The following APC2 variants were observed in gnomAD, a reference collection of about 807,000 sequenced individuals.
The protein encoded by APC2 is APC regulator of Wnt signaling pathway 2, also known as adenomatous polyposis coli protein 2.
Under a neutral mutation model 72.5 loss-of-function variants are expected in APC2, and 41 were observed. That is an observed-to-expected ratio of 0.57 (90% CI 0.44 to 0.73). The LOEUF (loss-of-function observed/expected upper bound fraction) is 0.73. Among genes scored for constraint, APC2 ranks in the 30% least tolerant of loss-of-function variants. APC2 has a pLI of 0.00. For missense variants in APC2, 3,729 were observed against 3,403.4 expected, an observed-to-expected ratio of 1.10 and a Z score of -2.38; for synonymous variants, 1,898 against 1,612.0, an observed-to-expected ratio of 1.18 and a Z score of -4.25.
Position 1,457,075 on chromosome 19 carries a change from G to T in APC2, c.1039G>T (p.Ala347Ser), listed in dbSNP as rs1333662725. ...GGGCGCCAAGGACGCACGCATGCGC[G>T]CCAACGCGGCGCTGCACAACATCGT... ...APGAKDARMR[A>S]NAALHNIVFS... The change falls in exon 9 of 15, where the codon GCC becomes TCC. Residue 347 changes from alanine to serine, a missense_variant. Coordinates refer to ENST00000590469, the MANE Select transcript of APC2 (RefSeq NM_005883.3). 6.4e-7 allele frequency: 1 copy of T among 1,554,752 alleles called. No homozygotes were observed. The highest frequency in any genetic ancestry group is 1.2e-5 in the South Asian group (1 of 84,472).
chr19:1,465,907 A>G lies in APC2; in HGVS notation c.2606A>G (p.Asp869Gly). The G allele has an allele frequency of 6.3e-7, 1 of 1,583,234 alleles. No homozygotes were observed. The highest frequency in any genetic ancestry group is 1.7e-4 in the Middle Eastern group (1 of 5,956). The change falls in exon 15 of 15, where the codon GAC becomes GGC. Residue 869 changes from aspartate to glycine, a missense_variant. Coordinates refer to ENST00000590469, the MANE Select transcript of APC2 (RefSeq NM_005883.3). ...EDISALHTSSDDSFSLSSGDP... is the reference protein window; with the variant it reads ...EDISALHTSSGDSFSLSSGDP... ...ATCTCCGCCCTGCACACCTCGTCCG[A>G]CGATAGCTTCAGCCTCAGCTCTGGA...
Position 1,466,200 on chromosome 19 carries a change from C to T in APC2, c.2899C>T (p.Leu967Phe), listed in dbSNP as rs1025348919. The T allele has an allele frequency of 1.9e-6, 3 of 1,554,016 alleles. No homozygotes were observed. Among genetic ancestry groups the T allele is most frequent in the South Asian group, 1.2e-5 (1 of 85,422 alleles). Reference sequence around the variant, plus strand: ...GTGTGGGCAGCCTCGGCCCAGCCGGCTTGACCTTGACCTGCCCGGCTGCCA... The same window carrying T: ...GTGTGGGCAGCCTCGGCCCAGCCGGTTTGACCTTGACCTGCCCGGCTGCCA... ...PRCGQPRPSR[L>F]DLDLPGCQAE... Residue 967 changes from leucine to phenylalanine, a missense_variant, in exon 15 of 15, where the codon CTT becomes TTT. By Grantham distance (22) the Leu-to-Phe change is conservative. Transcript: ENST00000590469.
intron 4 of APC2, among the ~76,000 whole-genome samples, chr19:1,454,382 T>C (rs2083785760): frequency 6.6e-6 from 1 of 150,686 alleles, no homozygotes; most frequent in Admixed American, 6.6e-5. Context: ...TTTTTTTGTT[T>C]AGTACATATA....
At position 1,468,233 on chromosome 19, in the gene APC2, G is replaced by A; in HGVS notation, c.4932G>A (p.Val1644=). The part of the protein sequence containing the change: ...SSALPRRRPP[V]SGLRRRKPRA... ...CCCTGCCCAGGCGCCGGCCCCCCGTGTCTGGCCTGCGGCGCCGCAAGCCCC... is the reference window on the plus strand; with the variant it reads ...CCCTGCCCAGGCGCCGGCCCCCCGTATCTGGCCTGCGGCGCCGCAAGCCCC... Residue 1644 remains valine (V), a synonymous_variant, in exon 15 of 15, where the codon GTG becomes GTA. Coordinates refer to ENST00000590469, the MANE Select transcript of APC2 (RefSeq NM_005883.3). 2 of 1,495,792 alleles carry A rather than the reference G, an allele frequency of 1.3e-6. No individual in the cohort carries two copies. Among genetic ancestry groups the A allele is most frequent in the Non-Finnish European group, 1.8e-6 (2 of 1,128,622 alleles). 92.7% of individuals were successfully genotyped at this position (1,495,792 alleles called of 1,614,324 possible). A position where few individuals can be genotyped will look rare whatever the true frequency, so the allele number is the denominator to read the frequency against.
rs751276022 is a variant in APC2 at position 1,467,791 on chromosome 19, G to C, written c.4490G>C (p.Cys1497Ser). The change falls in exon 15 of 15, where the codon TGC becomes TCC. Residue 1497 changes from cysteine to serine, a missense_variant. Coordinates refer to ENST00000590469, the MANE Select transcript of APC2 (RefSeq NM_005883.3). Reference sequence around the variant, plus strand: ...GGGGACGGGGCGCTCCAGTCGCTGTGCCTCACGACGCCCACTGAGGAGGCC... The same window carrying C: ...GGGGACGGGGCGCTCCAGTCGCTGTCCCTCACGACGCCCACTGAGGAGGCC... The part of the protein sequence containing the change: ...TRGDGALQSL[C>S]LTTPTEEAVY... 5 of 1,447,440 alleles carry C rather than the reference G, an allele frequency of 3.5e-6. No individual in the cohort carries two copies. The African/African-American group carries it at 4.4e-5, about 13-fold the overall frequency. 89.7% of individuals were successfully genotyped at this position (1,447,440 alleles called of 1,614,324 possible).
chr19:1,465,061 C>T (rs1044050097), intron 14 of APC2, 94 bp from the exon 15 acceptor site: 6 of 1,382,614 alleles, frequency 4.3e-6, no homozygotes, highest in Admixed American at 2.3e-5. Context: ...TAACCAGATG[C>T]GTTTACTTTT....
In APC2 at chr19:1,466,690, G is replaced by C. The variant is rs1200559685; in HGVS notation, c.3389G>C (p.Arg1130Pro). ...TSLPVAIPAP[R>P]RNRGRGLGVE... ...CTGCCCGTAGCCATTCCGGCTCCCC[G>C]GCGTAACCGAGGCCGGGGCCTGGGG... Residue 1130 changes from arginine (R) to proline (P), a missense_variant, in exon 15 of 15, where the codon CGG (arginine) becomes CCG (proline). Coordinates refer to ENST00000590469, the MANE Select transcript of APC2 (RefSeq NM_005883.3). 6.6e-7 allele frequency: 1 copy of C among 1,515,668 alleles called. No homozygotes were observed. The highest frequency in any genetic ancestry group is 8.8e-7 in the Non-Finnish European group (1 of 1,130,822). The allele number at this position is 1,515,668 out of a possible 1,614,324, so 93.9% of individuals were successfully genotyped here.
chr19:1,456,911 C>G lies in APC2; in HGVS notation c.875C>G (p.Ala292Gly). Reference sequence around the variant, plus strand: ...GCGACGCGCGACCAGGAGGATACAGCGCGCACGCTGCTGGCCATGTCCAGC... The same window carrying G: ...GCGACGCGCGACCAGGAGGATACAGGGCGCACGCTGCTGGCCATGTCCAGC... ...MLATRDQEDT[A>G]RTLLAMSSSP... The change falls in exon 9 of 15, where the codon GCG becomes GGG. Residue 292 changes from alanine (A) to glycine (G), a missense_variant. Physicochemically the swap from Ala to Gly is moderately conservative, Grantham distance 60. Coordinates refer to ENST00000590469, the MANE Select transcript of APC2 (RefSeq NM_005883.3). 1 of 1,580,224 alleles carries G rather than the reference C, an allele frequency of 6.3e-7. No individual in the cohort carries two copies. The highest frequency in any genetic ancestry group is 1.1e-5 in the South Asian group (1 of 88,002).
At chr19:1,456,548 T>TTCTG in intron 8 of APC2, 144 bp downstream of exon 8, 1 of 928,962 alleles carries the variant, frequency 1.1e-6, no homozygotes, top group Non-Finnish European at 1.6e-6. Context: ...GGCGTGCAGC[T>TTCTG]CATGCAGAAG....
At position 1,469,170 on chromosome 19, in the gene APC2, GC is replaced by G; in HGVS notation, c.5870del (p.Ala1957GlyfsTer39). ...CCCGGAGCCGGGCCCCAGGGGCCGG[GC>G]GGGGACCGAGGCGGGCCCGGGGGCG... ...AVPEPGPRGR[A>X]GTEAGPGARG... On this transcript the variant is annotated frameshift_variant, in exon 15 of 15. Coordinates refer to ENST00000590469, the MANE Select transcript of APC2 (RefSeq NM_005883.3). LOFTEE classifies it low-confidence loss of function (END_TRUNC). The G allele has an allele frequency of 7.7e-7, 1 of 1,291,576 alleles. No individual in the cohort carries two copies. The highest frequency in any genetic ancestry group is 2.5e-5 in the South Asian group (1 of 40,336). 80.0% of individuals were successfully genotyped at this position (1,291,576 alleles called of 1,614,324 possible).
At position 1,472,993 on chromosome 19, in the gene APC2, C is replaced by G. The variant is rs887725849; in HGVS notation, c.*2780C>G. ...CCGGCATGGTCCTCCCGAGCTCCGA[C>G]AGCATTACCTCACCCGGCCCCATCT... On this transcript the variant is annotated 3_prime_UTR_variant, in exon 15 of 15. Transcript: ENST00000590469. The G allele has an allele frequency of 6.6e-6, 1 of 152,304 alleles. No individual in the cohort carries two copies. The highest frequency in any genetic ancestry group is 6.5e-5 in the Admixed American group (1 of 15,288). The allele number at this position is 152,304 out of a possible 1,614,324, so 9.4% of individuals were successfully genotyped here.
chr19:1,463,162 C>T (rs1225623519), intron 14 of APC2, among the ~76,000 whole-genome samples: 1 of 151,526 alleles, frequency 6.6e-6, no homozygotes, highest in Non-Finnish European at 1.5e-5. Context: ...TGGCTCACAC[C>T]TGTAATCCCA....
At chr19:1,451,054 G>A (rs112176653) in intron 1 of APC2, among the ~76,000 whole-genome samples, 166 of 152,298 alleles carry the variant, frequency 1.1e-3, no homozygotes, top group African/African-American at 3.7e-3. Context: ...CACTTGTGAC[G>A]TTTAAAGCTC....
rs1357598671 is a variant in APC2, at chr19:1,458,066, T to A, written c.1303+6T>A. The A allele has an allele frequency of 6.4e-7, 1 of 1,557,250 alleles. No individual in the cohort carries two copies. The highest frequency in any genetic ancestry group is 1.4e-5 in the African/African-American group (1 of 73,744). On this transcript the variant is annotated splice_donor_region_variant and intron_variant, in intron 10 of 14. Coordinates refer to ENST00000590469, the MANE Select transcript of APC2 (RefSeq NM_005883.3). ...CCGTGCCATGAACGAGCTAGGTGAG[T>A]GTCCCAGGTCCTCTGGGAAGCCATC...
chr19:1,461,871 C>A (rs954714413), intron 13 of APC2, 92 bp from the exon 14 acceptor site: 45 of 1,114,722 alleles, frequency 4.0e-5, no homozygotes, highest in Admixed American at 5.5e-5. Flanking sequence ...AAACAAAAAA[C>A]AAAAAAACCC....
At chr19:1,446,456 C>A, upstream of APC2, 1 of 799,944 alleles carries the variant, frequency 1.3e-6, no homozygotes, top group Non-Finnish European at 1.5e-6. This position sits in a 1 kb window ranked among gnomAD's most constrained non-coding sequence, Gnocchi z 6.1. Context: ...GGCGAGCGCG[C>A]GGAGGCTGCA....
At position 1,462,655 on chromosome 19, in the gene APC2, CAAAAAAAAAAAA is replaced by C. The variant is rs34103912; in HGVS notation, c.1853+493_1853+504del. Among the ~76,000 whole-genome samples the C allele has an allele frequency of 1.6e-4, 4 of 24,924 alleles. No individual in the cohort carries two copies. In the South Asian group the frequency reaches 4.4e-3, roughly 27 times the overall value. 16.4% of individuals were successfully genotyped at this position (24,924 alleles called of 152,430 possible). A position where few individuals can be genotyped will look rare whatever the true frequency, so the allele number is the denominator to read the frequency against. ...GGGCAACAAGAGCGAAACTTCATCT[CAAAAAAAAAAAA>C]AAAAAAAAAAAAAATTCAGGCAGCC... On this transcript the variant is annotated intron_variant, in intron 14 of 14. Transcript: ENST00000590469.
rs1398957371 is a variant in APC2 at position 1,467,572 on chromosome 19, G to A, written c.4271G>A (p.Gly1424Asp). The change falls in exon 15 of 15, where the codon GGC (glycine) becomes GAC (aspartate). Residue 1424 changes from glycine (G) to aspartate (D), a missense_variant. Gly to Asp is a moderately conservative substitution (Grantham distance 94, BLOSUM62 -1). Coordinates refer to ENST00000590469, the MANE Select transcript of APC2 (RefSeq NM_005883.3). ...PPRDQPGGPA[G>D]RQRPTGRPTS... Reference sequence around the variant, plus strand: ...AGGGACCAGCCCGGGGGACCAGCGGGCAGGCAAAGACCCACCGGCCGCCCC... The same window carrying A: ...AGGGACCAGCCCGGGGGACCAGCGGACAGGCAAAGACCCACCGGCCGCCCC... The A allele has an allele frequency of 3.3e-6, 5 of 1,511,266 alleles. No homozygotes were observed. The African/African-American group carries it at 4.3e-5, about 13-fold the overall frequency. 93.6% of individuals were successfully genotyped at this position (1,511,266 alleles called of 1,614,324 possible).
In APC2 at chr19:1,467,719, C is replaced by A; in HGVS notation, c.4418C>A (p.Pro1473Gln). 1 of 1,437,050 alleles carries A rather than the reference C, an allele frequency of 7.0e-7. No homozygotes were observed. The highest frequency in any genetic ancestry group is 2.7e-5 in the Admixed American group (1 of 36,740). 89.0% of individuals were successfully genotyped at this position (1,437,050 alleles called of 1,614,324 possible). A position where few individuals can be genotyped will look rare whatever the true frequency, so the allele number is the denominator to read the frequency against. Residue 1473 changes from proline (P) to glutamine (Q), a missense_variant, in exon 15 of 15, where the codon CCG becomes CAG. Physicochemically the swap from Pro to Gln is moderately conservative, Grantham distance 76. Transcript: ENST00000590469. Reference protein sequence around the residue: ...AGLELPLGRPPSAPADKDGSK... With the variant: ...AGLELPLGRPQSAPADKDGSK... ...CTGGAGCTGCCCCTGGGCCGGCCCC[C>A]GAGCGCCCCCGCAGACAAGGACGGC... is the stretch of plus-strand genomic sequence containing the variant.
Sources: gnomAD v4.1 joint callset for allele counts (sites outside exome capture counted in the v4.1 genomes callset) on GRCh38, gnomAD v4.1.1 for gene constraint, Gnocchi (gnomAD v3.1) non-coding constraint, MANE v1.5 for transcripts, NCBI Gene and HGNC (gene_info 2026-07-23, HGNC 2026-07-21) for gene names.